Variants in OTOF observed in about 807,000 individuals in gnomAD.
OTOF encodes fer-1-like family member 2.
Under a neutral mutation model 236.8 loss-of-function variants are expected in OTOF, and 218 were observed. The ratio of observed to expected loss-of-function variants is 0.92; its 90% CI spans 0.82 to 1.03. OTOF has a LOEUF of 1.03. Among genes scored for constraint, OTOF ranks in the 50% least tolerant of loss-of-function variants. The pLI is 0.00. For synonymous variants in OTOF, 1,041 were observed against 1,072.5 expected (o/e 0.97, Z 0.57); for missense variants, 2,590 against 2,694.4 (o/e 0.96, Z 0.86).
chr2:26,534,201 C>G (rs760842435), intron 2 of OTOF, among the ~76,000 whole-genome samples: 4 of 152,202 alleles, frequency 2.6e-5, no homozygotes, highest in Admixed American at 6.5e-5. Flanking sequence ...GCCCATCTTG[C>G]CACACACTAA....
At chr2:26,474,790 T>A in intron 25 of OTOF, 116 bp from the exon 26 acceptor site, 1 of 1,175,790 alleles carries the variant, frequency 8.5e-7, no homozygotes, top group South Asian at 1.3e-5. Flanking sequence ...GATCACCCCA[T>A]TTTACAGATG....
chr2:26,500,172 A>G (rs3892152), intron 8 of OTOF, among the ~76,000 whole-genome samples: 47,582 of 152,114 alleles, frequency 0.31, 10,473 homozygotes, highest in African/African-American at 0.62. Context: ...CCTGGCTCTA[A>G]CCTTGGCTAA....
chr2:26,489,628 G>A lies in OTOF; in HGVS notation c.960+50C>T, dbSNP rs200470600. The stretch of plus-strand genomic sequence containing the variant: ...GGGCCCCTCTCAAGTCTGCACAAAG[G>A]TGCAGTTTGAGGGAGTGGCCCTGCC... On this transcript the variant is annotated intron_variant, in intron 10 of 46. Transcript: ENST00000272371. 1,893 of 1,479,770 alleles carry A rather than the reference G, an allele frequency of 1.3e-3. 4 individuals carry two copies. Among genetic ancestry groups the A allele is most frequent in the Non-Finnish European group, 1.7e-3 (1,837 of 1,058,460 alleles). The allele number at this position is 1,479,770 out of a possible 1,614,324, so 91.7% of individuals were successfully genotyped here.
At chr2:26,542,468 C>G (rs1480877201) in intron 1 of OTOF, among the ~76,000 whole-genome samples, 1 of 152,044 alleles carries the variant, frequency 6.6e-6, no homozygotes, top group Non-Finnish European at 1.5e-5. Flanking sequence ...CATTGGCATG[C>G]AAAAAGTGTA....
chr2:26,465,392 G>A (rs1303104325), intron 38 of OTOF, among the ~76,000 whole-genome samples: 5 of 152,194 alleles, frequency 3.3e-5, no homozygotes, highest in Non-Finnish European at 7.3e-5. Context: ...ATCCCCAGGG[G>A]ACTCTTTCTG....
chr2:26,496,340 T>A (rs147958073), intron 8 of OTOF, among the ~76,000 whole-genome samples: 2 of 151,508 alleles, frequency 1.3e-5, no homozygotes, highest in Non-Finnish European at 2.9e-5. Context: ...GTTCAAGCGA[T>A]TCTTCTGCCC....
Position 26,467,047 on chromosome 2 carries a change from G to A in OTOF, c.4362+52C>T, listed in dbSNP as rs545722538. 1.3e-4 allele frequency: 202 copies of A among 1,607,250 alleles called. 2 individuals are homozygous for A. The Middle Eastern group carries it at 1.5e-3, about 12-fold the overall frequency. On this transcript the variant is annotated intron_variant, in intron 35 of 46. Transcript: ENST00000272371. ...GGGAGGTGAGTGGGGGAACCTGTGGGGGGGGCAAGGGCTGGCGGGTGCTCA... is the reference window on the plus strand; with the variant it reads ...GGGAGGTGAGTGGGGGAACCTGTGGAGGGGGCAAGGGCTGGCGGGTGCTCA...
intron 5 of OTOF, among the ~76,000 whole-genome samples, chr2:26,513,954 C>T (rs1447347303): frequency 6.6e-6 from 1 of 152,210 alleles, no homozygotes; most frequent in Admixed American, 6.5e-5. Context: ...CCCCTCCTCA[C>T]CTCAGCACTC....
chr2:26,516,893 T>G (rs143886858), intron 4 of OTOF, among the ~76,000 whole-genome samples: 96 of 152,292 alleles, frequency 6.3e-4, no homozygotes, highest in African/African-American at 2.2e-3. Flanking sequence ...CCAGGACAAC[T>G]GAGCCTGGAC....
chr2:26,476,088 C>A, intron 23 of OTOF, 40 bp downstream of exon 23: 1 of 1,611,626 alleles, frequency 6.2e-7, no homozygotes, highest in Non-Finnish European at 8.5e-7. Flanking sequence ...CCCTCCGGCC[C>A]CCTCCCAGGT....
Position 26,457,997 on chromosome 2 carries a change from A to C in OTOF, c.*241T>G. The C allele has an allele frequency of 1.9e-6, 3 of 1,582,138 alleles. No homozygotes were observed. Among genetic ancestry groups the C allele is most frequent in the Non-Finnish European group, 2.6e-6 (3 of 1,157,874 alleles). ...GAAAGAGTCCAAGCCACTGAAAGGA[A>C]ATGCGGCAGGGCTGGGGAGCGGCTG... On this transcript the variant is annotated 3_prime_UTR_variant, in exon 47 of 47. Coordinates refer to ENST00000272371, the MANE Select transcript of OTOF (RefSeq NM_194248.3). This position sits in a 1 kb window ranked among gnomAD's most constrained non-coding sequence, Gnocchi z 4.4.
At position 26,516,405 on chromosome 2, in the gene OTOF, T is replaced by A; in HGVS notation, c.509+13A>T. The A allele has an allele frequency of 6.2e-7, 1 of 1,611,664 alleles. No individual in the cohort carries two copies. Among genetic ancestry groups the A allele is most frequent in the Non-Finnish European group, 8.5e-7 (1 of 1,178,432 alleles). On this transcript the variant is annotated intron_variant, in intron 5 of 46. Transcript: ENST00000272371. Reference sequence around the variant, plus strand: ...TGGGAGCAGTGGGCAGCCAGAGGGGTCCTGCCTGTTACCTCCGGAAGCTCT... The same window carrying A: ...TGGGAGCAGTGGGCAGCCAGAGGGGACCTGCCTGTTACCTCCGGAAGCTCT...
rs993012789 is a variant in OTOF at position 26,477,338 on chromosome 2, G to A, written c.2407-50C>T. 3.6e-5 allele frequency: 57 copies of A among 1,592,790 alleles called. No individual in the cohort carries two copies. Among genetic ancestry groups the A allele is most frequent in the Non-Finnish European group, 4.5e-5 (52 of 1,166,762 alleles). ...ACCCAGCAACTGGGGGACAGCTCGG[G>A]CCATGACAAAGGGGGTTGTGACACC... On this transcript the variant is annotated intron_variant, in intron 20 of 46. Transcript: ENST00000272371. This position sits in a 1 kb window ranked among gnomAD's most constrained non-coding sequence, Gnocchi z 4.7.
chr2:26,519,896 G>A (rs1014955284), intron 3 of OTOF, among the ~76,000 whole-genome samples: 2 of 152,202 alleles, frequency 1.3e-5, no homozygotes, highest in Admixed American at 6.5e-5. Flanking sequence ...CCGTTTTGTC[G>A]TGATTCATGT....
At chr2:26,551,426 T>C (rs1299824424) in intron 1 of OTOF, among the ~76,000 whole-genome samples, 4 of 152,232 alleles carry the variant, frequency 2.6e-5, no homozygotes, top group Non-Finnish European at 5.9e-5. Context: ...TGCTCCTCCC[T>C]CCCTTCCCAT....
intron 1 of OTOF, among the ~76,000 whole-genome samples, chr2:26,557,568 C>T (rs1395289610): frequency 6.6e-6 from 1 of 152,154 alleles, no homozygotes; most frequent in African/African-American, 2.4e-5. Context: ...GCTGTAGACA[C>T]ATGGAACCTC....
In OTOF at chr2:26,475,538, G is replaced by A. The variant is rs377389857; in HGVS notation, c.2992-45C>T. 272 of 1,603,106 alleles carry A rather than the reference G, an allele frequency of 1.7e-4. 2 individuals carry two copies. The African/African-American group carries it at 3.3e-3, about 20-fold the overall frequency. ...GACAGGGGACAAGTGACAGAGGGGG[G>A]GGCAGATGCACAAACAGAAGCCACC... On this transcript the variant is annotated intron_variant, in intron 24 of 46. Coordinates refer to ENST00000272371, the MANE Select transcript of OTOF (RefSeq NM_194248.3).
At chr2:26,524,346 T>C (rs1264104537) in intron 3 of OTOF, among the ~76,000 whole-genome samples, 1 of 152,096 alleles carries the variant, frequency 6.6e-6, no homozygotes, top group African/African-American at 2.4e-5. Flanking sequence ...CTGTCTCTAC[T>C]AAAAATACAA....
chr2:26,458,856 GC>G (rs1286328293), intron 46 of OTOF, among the ~76,000 whole-genome samples: 1 of 152,276 alleles, frequency 6.6e-6, no homozygotes, highest in Non-Finnish European at 1.5e-5. Flanking sequence ...ATGGCGTGCA[GC>G]CCCAGAGCTG....
Sources: gnomAD v4.1 joint callset for allele counts (sites outside exome capture counted in the v4.1 genomes callset) on GRCh38, gnomAD v4.1.1 for gene constraint, Gnocchi (gnomAD v3.1) non-coding constraint, MANE v1.5 for transcripts, NCBI Gene and HGNC (gene_info 2026-07-23, HGNC 2026-07-21) for gene names.